Variants in GPRIN3 observed in about 807,000 individuals in gnomAD.
GPRIN3 encodes G protein-regulated inducer of neurite outgrowth 3.
GPRIN3 carries 12 observed loss-of-function variants against 13.7 expected under a neutral mutation model. The observed-to-expected ratio is 0.87, with a 90% CI of 0.56 to 1.42. GPRIN3 has a LOEUF of 1.42. Ranked by LOEUF, GPRIN3 falls within the 40% of genes most tolerant of loss-of-function variation. GPRIN3 has a pLI of 0.00. For missense variants in GPRIN3, 1,009 were observed against 958.7 expected (o/e 1.05, Z -0.69); for synonymous variants, 377 against 372.7 (o/e 1.01, Z -0.13).
chr4:89,283,733 G>A (rs1358782897), intron 1 of GPRIN3, among the ~76,000 whole-genome samples: 1 of 152,148 alleles, frequency 6.6e-6, no homozygotes, highest in Non-Finnish European at 1.5e-5. Context: ...TTCACCAGTG[G>A]GGAGGAAAGG....
chr4:89,247,550 C>A lies in GPRIN3; in HGVS notation c.*230G>T. ...ATTTTCAATTTGTTAAGGTTGCAAA[C>A]CTTCAGTGAAGCTTGTTTCTCTTTT... On this transcript the variant is annotated 3_prime_UTR_variant, in exon 2 of 2. Coordinates refer to ENST00000609438, the MANE Select transcript of GPRIN3 (RefSeq NM_198281.3). 1 of 462,930 alleles carries A rather than the reference C, an allele frequency of 2.2e-6. No individual in the cohort carries two copies. Among genetic ancestry groups the A allele is most frequent in the Non-Finnish European group, 3.8e-6 (1 of 262,698 alleles). 28.7% of individuals were successfully genotyped at this position (462,930 alleles called of 1,614,324 possible). A position where few individuals can be genotyped will look rare whatever the true frequency, so the allele number is the denominator to read the frequency against.
At chr4:89,266,504 A>G (rs1723783717) in intron 1 of GPRIN3, among the ~76,000 whole-genome samples, 1 of 152,254 alleles carries the variant, frequency 6.6e-6, no homozygotes, top group African/African-American at 2.4e-5. Context: ...ATGAGTTCAG[A>G]AAGTGTTCTT....
Position 89,247,202 on chromosome 4 carries a change from T to G in GPRIN3, c.*578A>C, listed in dbSNP as rs1222333105. 6.6e-6 allele frequency: 1 copy of G among 152,234 alleles called. No homozygotes were observed. Among genetic ancestry groups the G allele is most frequent in the African/African-American group, 2.4e-5 (1 of 41,460 alleles). 9.4% of individuals were successfully genotyped at this position (152,234 alleles called of 1,614,324 possible). Reference sequence around the variant, plus strand: ...GATGTTTATAAACATTAATTCATATTTCATATTTTACACATTTAACTGTTT... The same window carrying G: ...GATGTTTATAAACATTAATTCATATGTCATATTTTACACATTTAACTGTTT... On this transcript the variant is annotated 3_prime_UTR_variant, in exon 2 of 2. Coordinates refer to ENST00000609438, the MANE Select transcript of GPRIN3 (RefSeq NM_198281.3).
chr4:89,257,709 T>C (rs551428916), intron 1 of GPRIN3, among the ~76,000 whole-genome samples: 1 of 152,260 alleles, frequency 6.6e-6, no homozygotes, highest in South Asian at 2.1e-4. Flanking sequence ...ATTTTTATTT[T>C]TTGTGGAGGC....
At chr4:89,254,357 G>T (rs1723412661) in intron 1 of GPRIN3, among the ~76,000 whole-genome samples, 1 of 151,884 alleles carries the variant, frequency 6.6e-6, no homozygotes, top group Admixed American at 6.6e-5. Context: ...CCATTAGTTA[G>T]TTTTTTTCTG....
At position 89,301,669 on chromosome 4, in the gene GPRIN3, A is replaced by T. The variant is rs143109480; in HGVS notation, c.-124+5946T>A. ...AATCAAGAATCTATTAACATAAAGC[A>T]TCTGATTATTCTTCATAAACCAGAT... On this transcript the variant is annotated intron_variant, in intron 1 of 1. Transcript: ENST00000609438. Among the ~76,000 whole-genome samples, 1,493 of 152,344 alleles carry T rather than the reference A, an allele frequency of 9.8e-3. 17 individuals carry two copies. Among genetic ancestry groups the T allele is most frequent in the Non-Finnish European group, 0.016 (1,116 of 68,014 alleles).
chr4:89,301,238 C>G (rs1159119740), intron 1 of GPRIN3, among the ~76,000 whole-genome samples: 1 of 152,148 alleles, frequency 6.6e-6, no homozygotes, highest in Non-Finnish European at 1.5e-5. Flanking sequence ...AGTCAAATGT[C>G]TTTTGCATTT....
intron 1 of GPRIN3, among the ~76,000 whole-genome samples, chr4:89,264,045 T>C (rs940990314): frequency 2.6e-5 from 4 of 152,226 alleles, no homozygotes; most frequent in Non-Finnish European, 2.9e-5. Flanking sequence ...CAGTTTGTTT[T>C]ACCAACCTCA....
Position 89,248,136 on chromosome 4 carries a change from T to G in GPRIN3, c.1975A>C (p.Thr659Pro). ...AGCTGCTTTTTCTTATCTCCTGGAGTGAGTCCTACCTGAGCAGCAGCTGCT... is the reference window on the plus strand; with the variant it reads ...AGCTGCTTTTTCTTATCTCCTGGAGGGAGTCCTACCTGAGCAGCAGCTGCT... ...VTAAAAQVGL[T>P]PGDKKKQLGA... Residue 659 changes from threonine to proline, a missense_variant, in exon 2 of 2, where the codon ACT (threonine) becomes CCT (proline). Coordinates refer to ENST00000609438, the MANE Select transcript of GPRIN3 (RefSeq NM_198281.3). The G allele has an allele frequency of 6.2e-7, 1 of 1,614,080 alleles. No individual in the cohort carries two copies. The highest frequency in any genetic ancestry group is 8.5e-7 in the Non-Finnish European group (1 of 1,180,012).
intron 1 of GPRIN3, among the ~76,000 whole-genome samples, chr4:89,292,752 TCAAAA>T (rs1041412503): frequency 6.6e-6 from 1 of 152,118 alleles, no homozygotes; most frequent in Non-Finnish European, 1.5e-5. Flanking sequence ...AGCAAGAGAC[TCAAAA>T]CAAAACAATA....
In GPRIN3 at chr4:89,284,016, G is replaced by A. The variant is rs552036941; in HGVS notation, c.-124+23599C>T. ...TCAGCTGTGCCCTCTGATTGAATGC[G>A]AAGGATGAAAGAATGGAAGGATCCA... On this transcript the variant is annotated intron_variant, in intron 1 of 1. Coordinates refer to ENST00000609438, the MANE Select transcript of GPRIN3 (RefSeq NM_198281.3). Among the ~76,000 whole-genome samples the A allele has an allele frequency of 1.8e-4, 28 of 152,328 alleles. No homozygotes were observed. The East Asian group carries it at 4.8e-3, about 26-fold the overall frequency.
At chr4:89,270,471 T>A (rs60231717) in intron 1 of GPRIN3, among the ~76,000 whole-genome samples, 2,407 of 149,266 alleles carry the variant, frequency 0.016, 76 homozygotes, top group African/African-American at 0.056. Context: ...TGTACTCTTT[T>A]TCCTGTATGT....
At chr4:89,295,850 AC>A (rs1314168498) in intron 1 of GPRIN3, among the ~76,000 whole-genome samples, 1 of 151,936 alleles carries the variant, frequency 6.6e-6, no homozygotes, top group Non-Finnish European at 1.5e-5. Flanking sequence ...ATTTTTTTTA[AC>A]TCAATATTTT....
intron 1 of GPRIN3, among the ~76,000 whole-genome samples, chr4:89,258,690 C>T (rs916916908): frequency 5.3e-5 from 8 of 152,146 alleles, no homozygotes; most frequent in Admixed American, 3.3e-4. Flanking sequence ...ACATGAGGGT[C>T]GTATGACCTG....
intron 1 of GPRIN3, among the ~76,000 whole-genome samples, chr4:89,304,451 ATACT>A (rs929836700): frequency 6.6e-6 from 1 of 152,122 alleles, no homozygotes; most frequent in Non-Finnish European, 1.5e-5. Flanking sequence ...TTCATGAACA[ATACT>A]TACTCTTCTG....
At position 89,249,085 on chromosome 4, in the gene GPRIN3, T is replaced by C; in HGVS notation, c.1026A>G (p.Ala342=). 6.2e-7 allele frequency: 1 copy of C among 1,614,134 alleles called. No individual in the cohort carries two copies. Among genetic ancestry groups the C allele is most frequent in the Non-Finnish European group, 8.5e-7 (1 of 1,180,012 alleles). The change falls in exon 2 of 2, where the codon GCA becomes GCG. Residue 342 remains alanine (A), a synonymous_variant. Coordinates refer to ENST00000609438, the MANE Select transcript of GPRIN3 (RefSeq NM_198281.3). ...CAGGAGCACGGCTTTCCTTCAGAAA[T>C]GCAGTGAGGATACTGGGGCTGGTGG... ...SVSTSPSILT[A]FLKESRAPEH...
intron 1 of GPRIN3, among the ~76,000 whole-genome samples, chr4:89,252,648 A>G (rs1200347078): frequency 6.6e-6 from 1 of 152,234 alleles, no homozygotes; most frequent in South Asian, 2.1e-4. Context: ...CTACTATCAC[A>G]TAAGATCTAA....
chr4:89,285,136 T>C (rs953083371), intron 1 of GPRIN3, among the ~76,000 whole-genome samples: 2 of 148,006 alleles, frequency 1.4e-5, no homozygotes, highest in Non-Finnish European at 3.0e-5. Context: ...AGCAAGCACC[T>C]AGCCACTCTC....
At position 89,238,749 on chromosome 4, in the gene GPRIN3, A is replaced by G. The variant is rs1722848573; in HGVS notation, c.*9031T>C. On this transcript the variant is annotated 3_prime_UTR_variant, in exon 2 of 2. Coordinates refer to ENST00000609438, the MANE Select transcript of GPRIN3 (RefSeq NM_198281.3). Reference sequence around the variant, plus strand: ...ACTTCCAGTTCCACTGCAGATTCCTAGCAGAAGCTGTCACATGGAAAATCA... The same window carrying G: ...ACTTCCAGTTCCACTGCAGATTCCTGGCAGAAGCTGTCACATGGAAAATCA... 6.6e-6 allele frequency: 1 copy of G among 152,244 alleles called. No homozygotes were observed. The highest frequency in any genetic ancestry group is 2.1e-4 in the South Asian group (1 of 4,836). 9.4% of individuals were successfully genotyped at this position (152,244 alleles called of 1,614,324 possible). A position where few individuals can be genotyped will look rare whatever the true frequency, so the allele number is the denominator to read the frequency against.
Sources: allele counts gnomAD v4.1 joint callset (sites outside exome capture counted in the v4.1 genomes callset), GRCh38; gene constraint gnomAD v4.1.1; transcripts MANE v1.5; gene names NCBI Gene and HGNC (gene_info 2026-07-23, HGNC 2026-07-21).